The following DMD variants were observed in gnomAD, a reference collection of about 807,000 sequenced individuals.
DMD encodes the protein dystrophin, also known as mutant dystrophin.
A neutral mutation model predicts 330.1 loss-of-function variants in DMD; 63 were observed. The observed-to-expected ratio is 0.19, with a 90% confidence interval of 0.16 to 0.24. The LOEUF (loss-of-function observed/expected upper bound fraction) is 0.24, where lower values mean the gene tolerates loss of function less well. Ranked by LOEUF, DMD falls within the 10% of genes least tolerant of loss-of-function variation. The pLI, the probability that DMD is intolerant of heterozygous loss-of-function variation, is 1.00. For missense variants in DMD, 3,344 were observed against 2,684.1 expected (o/e 1.25, Z -5.43); for synonymous variants, 1,223 against 959.8 (o/e 1.27, Z -5.07).
At chrX:32,283,125 T>C (rs1218163194) in intron 43 of DMD, among the ~76,000 whole-genome samples, 1 of 111,349 alleles carries the variant, frequency 9.0e-6, no homozygotes, top group African/African-American at 3.3e-5. Context: ...TCATCTTAGG[T>C]CCAGAGCAAA....
intron 60 of DMD, among the ~76,000 whole-genome samples, chrX:31,367,574 C>T (rs2059330194): frequency 9.0e-6 from 1 of 111,251 alleles, no homozygotes; most frequent in Non-Finnish European, 1.9e-5. Context: ...TGATGTGGGG[C>T]TGATAATTCT....
chrX:31,351,501 G>A (rs904100672), intron 60 of DMD, among the ~76,000 whole-genome samples: 1 of 109,712 alleles, frequency 9.1e-6, no homozygotes, highest in African/African-American at 3.3e-5. Context: ...CGAGGCAGGC[G>A]GATCACTTGA....
At chrX:31,934,216 C>T (rs1176425160) in intron 45 of DMD, among the ~76,000 whole-genome samples, 1 of 111,576 alleles carries the variant, frequency 9.0e-6, no homozygotes, top group Middle Eastern at 4.2e-3. Flanking sequence ...GAAGATAGAT[C>T]AGCATGTTGC....
rs143384830 is a variant in DMD at position 32,544,910 on chromosome X, T to A, written c.2168+249A>T. 0.028 allele frequency among the ~76,000 whole-genome samples: 3,129 copies of A among 110,980 alleles called. 97 individuals are homozygous for A. Among genetic ancestry groups the A allele is most frequent in the African/African-American group, 0.097 (2,969 of 30,508 alleles). ...AATGCTACCACAGTAGTTTATCACC[T>A]ATAGTTTCTATAGTTTCTTCTTTCA... On this transcript the variant is annotated intron_variant, in intron 17 of 78. Coordinates refer to ENST00000357033, the MANE Select transcript of DMD (RefSeq NM_004006.3).
At chrX:32,437,628 T>C (rs944907098) in intron 29 of DMD, among the ~76,000 whole-genome samples, 6 of 112,334 alleles carry the variant, frequency 5.3e-5, no homozygotes, top group African/African-American at 1.9e-4. Flanking sequence ...ATCTCACATG[T>C]AGTAGATGTA....
rs139420471 is a variant in DMD, at chrX:32,337,198, T to A, written c.5922+4902A>T. On this transcript the variant is annotated intron_variant, in intron 41 of 78. Coordinates refer to ENST00000357033, the MANE Select transcript of DMD (RefSeq NM_004006.3). ...ATATCCAACAAGAGTGGAAATAATT[T>A]ACATGGTAATGTAAGAGAAAAGAAT... 3.9e-3 allele frequency among the ~76,000 whole-genome samples: 432 copies of A among 111,448 alleles called. 15 individuals are homozygous for A. In the East Asian group the frequency reaches 0.1, roughly 26 times the overall value.
intron 74 of DMD, among the ~76,000 whole-genome samples, chrX:31,167,798 A>G (rs1218053779): frequency 8.9e-6 from 1 of 112,131 alleles, no homozygotes; most frequent in Non-Finnish European, 1.9e-5. Flanking sequence ...GGTTTTTAGC[A>G]AACATTTCCT....
chrX:32,846,720 A>AT (rs1211451911), intron 3 of DMD, among the ~76,000 whole-genome samples: 5 of 61,637 alleles, frequency 8.1e-5, no homozygotes, highest in African/African-American at 1.9e-4. Flanking sequence ...AAGACTTTAG[A>AT]TTTAAAAAAA....
intron 60 of DMD, among the ~76,000 whole-genome samples, chrX:31,367,293 T>G (rs1298094593): frequency 8.9e-6 from 1 of 111,828 alleles, no homozygotes; most frequent in African/African-American, 3.2e-5. Context: ...TAACGCCTTT[T>G]TTTTCATTTA....
chrX:32,799,905 G>T (rs1209954674), intron 7 of DMD, among the ~76,000 whole-genome samples: 2 of 111,071 alleles, frequency 1.8e-5, no homozygotes, highest in Non-Finnish European at 3.8e-5. Context: ...ATTTTAAAAG[G>T]CAATTCCACT....
At chrX:32,038,500 G>C (rs1340866644) in intron 44 of DMD, among the ~76,000 whole-genome samples, 2 of 111,364 alleles carry the variant, frequency 1.8e-5, no homozygotes, top group African/African-American at 3.3e-5. Context: ...CTGGGGTGAA[G>C]AGTATCTCTG....
At chrX:31,290,686 T>C (rs2053624149) in intron 62 of DMD, among the ~76,000 whole-genome samples, 1 of 111,829 alleles carries the variant, frequency 8.9e-6, no homozygotes, top group Non-Finnish European at 1.9e-5. Flanking sequence ...GCATCTTATA[T>C]ATAGGATCTT....
At chrX:32,112,095 G>A (rs1052914305) in intron 44 of DMD, among the ~76,000 whole-genome samples, 8 of 111,210 alleles carry the variant, frequency 7.2e-5, no homozygotes, top group African/African-American at 2.0e-4. Context: ...AGTGTACTAC[G>A]CCCTGAAGTC....
rs186676145 is a variant in DMD at position 32,117,020 on chromosome X, G to A, written c.6438+99896C>T. ...AGCCCCCCAAGTAATGAACCTAAGA[G>A]GGGAGTGAAAAAGTTTTTCTTCCCT... On this transcript the variant is annotated intron_variant, in intron 44 of 78. Transcript: ENST00000357033. Among the ~76,000 whole-genome samples the A allele has an allele frequency of 2.4e-3, 272 of 111,694 alleles. 2 individuals carry two copies. Among genetic ancestry groups the A allele is most frequent in the Non-Finnish European group, 2.2e-3 (115 of 53,161 alleles).
chrX:31,775,238 C>T (rs753927329), intron 50 of DMD, among the ~76,000 whole-genome samples: 2 of 111,293 alleles, frequency 1.8e-5, no homozygotes, highest in African/African-American at 6.5e-5. Flanking sequence ...ATCATCATCA[C>T]AATAATATTA....
intron 2 of DMD, among the ~76,000 whole-genome samples, chrX:32,949,251 T>TACAC (rs10587318): frequency 0.013 from 1,152 of 89,588 alleles, 17 homozygotes; most frequent in Middle Eastern, 0.046. Context: ...AATCGTTACA[T>TACAC]ACACACACAC....
intron 41 of DMD, among the ~76,000 whole-genome samples, chrX:32,328,402 C>A (rs937488756): frequency 9.0e-6 from 1 of 111,483 alleles, no homozygotes; most frequent in Admixed American, 9.6e-5. Context: ...TGTCGTGATA[C>A]CCTAATTCTA....
chrX:31,852,090 A>C (rs765406413), intron 48 of DMD, among the ~76,000 whole-genome samples: 4 of 110,687 alleles, frequency 3.6e-5, no homozygotes, highest in Non-Finnish European at 7.6e-5. Context: ...GGGATGGAGG[A>C]GGATAGGTCC....
chrX:31,750,758 G>C (rs1348404215), intron 51 of DMD, among the ~76,000 whole-genome samples: 2 of 107,294 alleles, frequency 1.9e-5, no homozygotes, highest in Middle Eastern at 4.7e-3. Context: ...CATTGTCTCA[G>C]CCCAAAATCT....
Sources: allele counts gnomAD v4.1 joint callset (sites outside exome capture counted in the v4.1 genomes callset), GRCh38; gene constraint gnomAD v4.1.1; transcripts MANE v1.5; gene names NCBI Gene and HGNC (gene_info 2026-07-23, HGNC 2026-07-21).